Variants in FA2H observed in about 807,000 individuals in gnomAD.
FA2H encodes fatty acid alpha-hydroxylase.
In FA2H, 22 loss-of-function variants were observed where a neutral mutation model predicts 44.9. The observed-to-expected ratio is 0.49, with a 90% CI of 0.35 to 0.70. The LOEUF (loss-of-function observed/expected upper bound fraction) is 0.70, where lower values mean the gene tolerates loss of function less well. FA2H is among the 30% of genes least tolerant of loss of function. The pLI, the probability that FA2H is intolerant of heterozygous loss-of-function variation, is 0.01. For synonymous variants in FA2H, 243 were observed against 213.2 expected (o/e 1.14, Z -1.22); for missense variants, 501 against 504.9 (o/e 0.99, Z 0.07).
intron 4 of FA2H, among the ~76,000 whole-genome samples, chr16:74,720,923 T>C (rs1426654635): frequency 6.6e-6 from 1 of 152,242 alleles, no homozygotes; most frequent in Non-Finnish European, 1.5e-5. Flanking sequence ...CATTCCTTTT[T>C]AAGACTGAAT....
At chr16:74,735,309 G>A (rs116227632) in intron 2 of FA2H, among the ~76,000 whole-genome samples, 209 of 152,234 alleles carry the variant, frequency 1.4e-3, no homozygotes, top group African/African-American at 4.8e-3. Flanking sequence ...TGGCGTTGCC[G>A]GAGTGGCTGC....
chr16:74,760,624 T>C (rs1025972119), intron 1 of FA2H, among the ~76,000 whole-genome samples: 4 of 152,146 alleles, frequency 2.6e-5, no homozygotes, highest in Non-Finnish European at 4.4e-5. Flanking sequence ...CACATGAGTA[T>C]ACTCATTGCC....
intron 1 of FA2H, among the ~76,000 whole-genome samples, chr16:74,752,790 G>C (rs1962550933): frequency 6.6e-6 from 1 of 152,168 alleles, no homozygotes; most frequent in Non-Finnish European, 1.5e-5. Flanking sequence ...CTCACCTTTG[G>C]GGACTGTCCT....
intron 2 of FA2H, among the ~76,000 whole-genome samples, chr16:74,735,583 C>T (rs558018014): frequency 2.4e-4 from 36 of 152,352 alleles, no homozygotes; most frequent in African/African-American, 7.0e-4. Flanking sequence ...GGGCTGAAGA[C>T]GAGCGAAGGG....
At chr16:74,745,799 A>ATTT (rs11365398) in intron 1 of FA2H, among the ~76,000 whole-genome samples, 16 of 72,456 alleles carry the variant, frequency 2.2e-4, no homozygotes, top group African/African-American at 6.0e-4. Context: ...CTGTCAATGG[A>ATTT]TTTTTTTTTT....
Position 74,774,669 on chromosome 16 carries a change from G to A in FA2H, c.87C>T (p.Arg29=), listed in dbSNP as rs746288688. 4 of 1,431,608 alleles carry A rather than the reference G, an allele frequency of 2.8e-6. No individual in the cohort carries two copies. The highest frequency in any genetic ancestry group is 3.0e-5 in the East Asian group (1 of 32,942). 88.7% of individuals were successfully genotyped at this position (1,431,608 alleles called of 1,614,324 possible). Residue 29 remains arginine (R), a synonymous_variant, in exon 1 of 7, where the codon CGC becomes CGT. Transcript: ENST00000219368. ...RLAAGACWVR[R]GARLYDLSSF... is the part of the protein sequence containing the mutation. ...TGGAGAGGTCGTAGAGGCGGGCCCC[G>A]CGGCGGACCCAGCACGCGCCGGCCG...
At chr16:74,725,053 A>G (rs1961921919) in intron 4 of FA2H, among the ~76,000 whole-genome samples, 1 of 152,126 alleles carries the variant, frequency 6.6e-6, no homozygotes, top group South Asian at 2.1e-4. Context: ...TCTGAGCAAC[A>G]AGCTCCGTGC....
chr16:74,727,621 C>T (rs931401893), intron 2 of FA2H, among the ~76,000 whole-genome samples: 5 of 152,180 alleles, frequency 3.3e-5, no homozygotes, highest in African/African-American at 9.7e-5. Flanking sequence ...TGTGATGAGC[C>T]ATCAGATGAT....
At chr16:74,771,789 C>A (rs764121986) in intron 1 of FA2H, among the ~76,000 whole-genome samples, 1 of 152,116 alleles carries the variant, frequency 6.6e-6, no homozygotes, top group Non-Finnish European at 1.5e-5. Flanking sequence ...CCCCTTCCCC[C>A]CATGGTCACA....
rs56341013 is a variant in FA2H at position 74,720,180 on chromosome 16, C to CTTTTTT, written c.614-1026_614-1021dup. Among the ~76,000 whole-genome samples the CTTTTTT allele has an allele frequency of 2.7e-3, 128 of 47,242 alleles. 27 individuals are homozygous for CTTTTTT. The highest frequency in any genetic ancestry group is 8.3e-3 in the African/African-American group (81 of 9,818). 31.0% of individuals were successfully genotyped at this position (47,242 alleles called of 152,430 possible). On this transcript the variant is annotated intron_variant, in intron 4 of 6. Transcript: ENST00000219368. ...TTTGCTCCATATATTCATCCTCATC[C>CTTTTTT]TTTTTTTTTTTTTTTTTTTTTTTTT... is the stretch of plus-strand genomic sequence containing the variant.
intron 6 of FA2H, 80 bp downstream of exon 6, chr16:74,716,267 G>T: frequency 1.3e-6 from 2 of 1,538,728 alleles, no homozygotes; most frequent in Non-Finnish European, 1.8e-6. Context: ...GTGCCTTGCC[G>T]TTCCCAGGAG....
Position 74,774,700 on chromosome 16 carries a change from C to A in FA2H, c.56G>T (p.Arg19Leu), listed in dbSNP as rs1246805290. 3.7e-6 allele frequency: 5 copies of A among 1,368,004 alleles called. No individual in the cohort carries two copies. Among genetic ancestry groups the A allele is most frequent in the Non-Finnish European group, 4.7e-6 (5 of 1,067,910 alleles). 84.7% of individuals were successfully genotyped at this position (1,368,004 alleles called of 1,614,324 possible). A position where few individuals can be genotyped will look rare whatever the true frequency, so the allele number is the denominator to read the frequency against. Residue 19 changes from arginine (R) to leucine (L), a missense_variant, in exon 1 of 7, where the codon CGC becomes CTC. Coordinates refer to ENST00000219368, the MANE Select transcript of FA2H (RefSeq NM_024306.5). ...GACCCAGCACGCGCCGGCCGCCAGGCGCCGCTGGACCTCGGAGGGCGAGAA... is the reference window on the plus strand; with the variant it reads ...GACCCAGCACGCGCCGGCCGCCAGGAGCCGCTGGACCTCGGAGGGCGAGAA... Reference protein sequence around the residue: ...ASFSPSEVQRRLAAGACWVRR... With the variant: ...ASFSPSEVQRLLAAGACWVRR...
chr16:74,736,669 G>C (rs1962187442), intron 2 of FA2H, among the ~76,000 whole-genome samples: 1 of 152,240 alleles, frequency 6.6e-6, no homozygotes, highest in African/African-American at 2.4e-5. Context: ...AGCCCCAGCA[G>C]CTGGTTATGC....
intron 1 of FA2H, among the ~76,000 whole-genome samples, chr16:74,765,136 A>G (rs549928897): frequency 6.6e-6 from 1 of 150,454 alleles, no homozygotes; most frequent in Non-Finnish European, 1.5e-5. Context: ...TTAACAAGAC[A>G]CAGAAAAGAG....
intron 2 of FA2H, among the ~76,000 whole-genome samples, chr16:74,729,831 C>T (rs964013845): frequency 1.3e-5 from 2 of 151,780 alleles, no homozygotes; most frequent in South Asian, 2.1e-4. Flanking sequence ...CACACACAAT[C>T]GGAGTGAGGA....
At chr16:74,774,434 G>A (rs982654941) in intron 1 of FA2H, 52 bp downstream of exon 1, 59 of 1,459,850 alleles carry the variant, frequency 4.0e-5, no homozygotes, top group Non-Finnish European at 4.7e-5. Flanking sequence ...GCCCGGGAGT[G>A]GAAGGCTGAC....
At chr16:74,738,924 A>C (rs1962235769) in intron 2 of FA2H, among the ~76,000 whole-genome samples, 2 of 152,068 alleles carry the variant, frequency 1.3e-5, no homozygotes, top group South Asian at 4.1e-4. Flanking sequence ...GCACAGCACA[A>C]CTTCCTTCGG....
At chr16:74,731,173 GAGA>G (rs1458023458) in intron 2 of FA2H, among the ~76,000 whole-genome samples, 1 of 74,776 alleles carries the variant, frequency 1.3e-5, no homozygotes, top group Non-Finnish European at 2.7e-5. Context: ...TTTTTTTTTT[GAGA>G]AGGAGTTTCA....
At chr16:74,769,775 G>A (rs1003438989) in intron 1 of FA2H, among the ~76,000 whole-genome samples, 56 of 152,222 alleles carry the variant, frequency 3.7e-4, no homozygotes, top group African/African-American at 1.3e-3. Flanking sequence ...AGCTGGCAGA[G>A]CACTGCTCTC....
Sources: allele counts gnomAD v4.1 joint callset (sites outside exome capture counted in the v4.1 genomes callset), GRCh38; gene constraint gnomAD v4.1.1; transcripts MANE v1.5; gene names NCBI Gene and HGNC (gene_info 2026-07-23, HGNC 2026-07-21).